The following RHOA variants were observed in gnomAD, a reference collection of about 807,000 sequenced individuals.
RHOA encodes ras homolog family member A.
A neutral mutation model predicts 17.5 loss-of-function variants in RHOA; 3 were observed. The observed-to-expected ratio is 0.17, with a 90% CI of 0.08 to 0.44. The LOEUF (loss-of-function observed/expected upper bound fraction) is 0.44. Among genes scored for constraint, RHOA ranks in the 20% least tolerant of loss-of-function variants. The pLI is 0.99. For synonymous variants in RHOA, 98 were observed against 88.4 expected, an observed-to-expected ratio of 1.11 and a Z score of -0.61; for missense variants, 56 against 242.3, an observed-to-expected ratio of 0.23 and a Z score of 5.10.
chr3:49,404,973 C>A (rs1380758743), intron 1 of RHOA, among the ~76,000 whole-genome samples: 1 of 148,414 alleles, frequency 6.7e-6, no homozygotes, highest in African/African-American at 2.5e-5. Context: ...GTAGGCCAGG[C>A]GCGGTGGCTC....
rs57354041 is a variant in RHOA, at chr3:49,401,041, C to CA, written c.-3+10778dup. ...AGCCTGGGCGACAGAGACTCCGTCTCAAAAAAAAAAAAAAAAAAAAGAGTT... is the reference window on the plus strand; with the variant it reads ...AGCCTGGGCGACAGAGACTCCGTCTCAAAAAAAAAAAAAAAAAAAAAGAGTT... On this transcript the variant is annotated intron_variant, in intron 1 of 4. Transcript: ENST00000418115. 1.3e-3 allele frequency among the ~76,000 whole-genome samples: 91 copies of CA among 67,582 alleles called. 2 individuals are homozygous for CA. The highest frequency in any genetic ancestry group is 3.8e-3 in the African/African-American group (70 of 18,614). 44.3% of individuals were successfully genotyped at this position (67,582 alleles called of 152,430 possible).
intron 2 of RHOA, 83 bp from the exon 3 acceptor site, chr3:49,368,631 T>C (rs1402268573): frequency 1.4e-5 from 21 of 1,466,176 alleles, no homozygotes; most frequent in East Asian, 1.1e-4. Context: ...CCATAGTACA[T>C]TGAAATGGCA....
intron 1 of RHOA, among the ~76,000 whole-genome samples, chr3:49,403,897 G>A (rs1286182691): frequency 2.0e-5 from 3 of 151,822 alleles, no homozygotes; most frequent in Non-Finnish European, 2.9e-5. Flanking sequence ...TTAAGTACCA[G>A]GAACCAAGTA....
chr3:49,364,392 G>T (rs1300513408), intron 3 of RHOA, among the ~76,000 whole-genome samples: 1 of 152,172 alleles, frequency 6.6e-6, no homozygotes, highest in East Asian at 1.9e-4. Flanking sequence ...GGCTGAGGCT[G>T]GAGAATCGCT....
intron 1 of RHOA, among the ~76,000 whole-genome samples, chr3:49,389,757 G>C (rs564439549): frequency 2.2e-4 from 34 of 151,542 alleles, no homozygotes; most frequent in Non-Finnish European, 3.8e-4. Flanking sequence ...CTAACACAGT[G>C]AATCCCAGTC....
chr3:49,363,168 C>T (rs923524343), intron 3 of RHOA, among the ~76,000 whole-genome samples: 12 of 152,168 alleles, frequency 7.9e-5, no homozygotes, highest in African/African-American at 2.7e-4. Flanking sequence ...CCTGTAATCC[C>T]AGCACTTTGG....
intron 2 of RHOA, among the ~76,000 whole-genome samples, chr3:49,374,430 C>T (rs2048191864): frequency 6.6e-6 from 1 of 150,380 alleles, no homozygotes; most frequent in South Asian, 2.1e-4. Flanking sequence ...TTGAAAAGAG[C>T]ACATATGGCT....
At chr3:49,408,854 G>T (rs1181240698) in intron 1 of RHOA, among the ~76,000 whole-genome samples, 1 of 151,110 alleles carries the variant, frequency 6.6e-6, no homozygotes, top group Non-Finnish European at 1.5e-5. Context: ...GCACAGTGGC[G>T]CGATCTCAGC....
At chr3:49,393,329 G>A (rs1003549854) in intron 1 of RHOA, among the ~76,000 whole-genome samples, 1 of 151,734 alleles carries the variant, frequency 6.6e-6, no homozygotes, top group Non-Finnish European at 1.5e-5. Flanking sequence ...TTTTTCCAGA[G>A]AGGGTCTGCC....
intron 4 of RHOA, 105 bp from the exon 5 acceptor site, chr3:49,360,487 G>C: frequency 2.3e-6 from 3 of 1,295,900 alleles, no homozygotes; most frequent in Non-Finnish European, 3.1e-6. Flanking sequence ...CTTTTTTTGA[G>C]ACAGTTTTGC....
chr3:49,407,780 T>A (rs2048859374), intron 1 of RHOA, among the ~76,000 whole-genome samples: 1 of 152,102 alleles, frequency 6.6e-6, no homozygotes, highest in Admixed American at 6.6e-5. Flanking sequence ...ACCTCCAACT[T>A]TTCCTTTCAC....
intron 3 of RHOA, among the ~76,000 whole-genome samples, chr3:49,364,327 A>AATT (rs1468530937): frequency 6.6e-6 from 1 of 151,978 alleles, no homozygotes; most frequent in Non-Finnish European, 1.5e-5. Flanking sequence ...CTCTACTAAA[A>AATT]ATACAAAATT....
chr3:49,409,319 C>G lies in RHOA; in HGVS notation c.-3+2501G>C, dbSNP rs1477368562. 3.9e-5 allele frequency among the ~76,000 whole-genome samples: 6 copies of G among 151,968 alleles called. 1 individual carries two copies. The highest frequency in any genetic ancestry group is 1.4e-4 in the African/African-American group (6 of 41,400). On this transcript the variant is annotated intron_variant, in intron 1 of 4. Transcript: ENST00000418115. ...CCGAGGCAGGAGAATCACTTGAACCCAGGAGGCAGACGGTGCAGTGAGCTG... is the reference window on the plus strand; with the variant it reads ...CCGAGGCAGGAGAATCACTTGAACCGAGGAGGCAGACGGTGCAGTGAGCTG...
intron 1 of RHOA, among the ~76,000 whole-genome samples, chr3:49,410,527 A>G (rs1402165859): frequency 6.6e-6 from 1 of 152,234 alleles, no homozygotes; most frequent in East Asian, 1.9e-4. Flanking sequence ...GATGGAACCA[A>G]TTAAGACAAG....
chr3:49,410,896 A>G (rs2048921840), intron 1 of RHOA, among the ~76,000 whole-genome samples: 1 of 152,262 alleles, frequency 6.6e-6, no homozygotes, highest in South Asian at 2.1e-4. Context: ...ATTAAAAAAC[A>G]CAAGTGGAAC....
intron 1 of RHOA, among the ~76,000 whole-genome samples, chr3:49,403,413 T>C (rs1247472401): frequency 6.6e-6 from 1 of 152,138 alleles, no homozygotes; most frequent in Non-Finnish European, 1.5e-5. Context: ...GTATACACAT[T>C]CATCAAAATT....
At chr3:49,369,997 G>A (rs1375378746) in intron 2 of RHOA, among the ~76,000 whole-genome samples, 2 of 151,970 alleles carry the variant, frequency 1.3e-5, no homozygotes, top group Non-Finnish European at 2.9e-5. Context: ...AACCCAGGAG[G>A]CGGAGGTTGC....
At chr3:49,393,030 A>G (rs2048534976) in intron 1 of RHOA, among the ~76,000 whole-genome samples, 1 of 151,832 alleles carries the variant, frequency 6.6e-6, no homozygotes, top group Non-Finnish European at 1.5e-5. Context: ...TACAAAAATT[A>G]CCCAGGCATG....
chr3:49,393,123 C>T (rs1227737440), intron 1 of RHOA, among the ~76,000 whole-genome samples: 2 of 152,064 alleles, frequency 1.3e-5, no homozygotes, highest in Non-Finnish European at 2.9e-5. Context: ...CTGCAGTGAG[C>T]CAAGATCGCG....
Sources: allele counts gnomAD v4.1 joint callset (sites outside exome capture counted in the v4.1 genomes callset), GRCh38; gene constraint gnomAD v4.1.1; transcripts MANE v1.5; gene names NCBI Gene and HGNC (gene_info 2026-07-23, HGNC 2026-07-21).